Variants in NR3C1 observed in about 807,000 individuals in gnomAD.
NR3C1 encodes the protein glucocorticoid receptor.
Under a neutral mutation model 74.0 loss-of-function variants are expected in NR3C1, and 14 were observed. The observed-to-expected ratio is 0.19, with a 90% CI of 0.12 to 0.30. NR3C1 has a LOEUF of 0.30. Among genes scored for constraint, NR3C1 ranks in the 10% least tolerant of loss-of-function variants. NR3C1 has a pLI of 1.00. For missense variants in NR3C1, 695 were observed against 909.8 expected (o/e 0.76, Z 3.04); for synonymous variants, 308 against 332.5 (o/e 0.93, Z 0.80).
chr5:143,329,833 A>G (rs1045785319), intron 2 of NR3C1, among the ~76,000 whole-genome samples: 2 of 152,170 alleles, frequency 1.3e-5, no homozygotes, highest in African/African-American at 4.8e-5. Flanking sequence ...TAAATATGTG[A>G]ATTGTTCTAA....
intron 2 of NR3C1, among the ~76,000 whole-genome samples, chr5:143,375,081 TCCAAAATCCTTC>T (rs781002689): frequency 6.6e-6 from 1 of 152,156 alleles, no homozygotes; most frequent in Non-Finnish European, 1.5e-5. Flanking sequence ...ACACAGCTTC[TCCAAAATCCTTC>T]CTGGGACCTC....
At position 143,412,368 on chromosome 5, in the gene NR3C1, T is replaced by A. The variant is rs141123054; in HGVS notation, c.-13-11516A>T. 2.3e-4 allele frequency among the ~76,000 whole-genome samples: 35 copies of A among 152,228 alleles called. 1 individual carries two copies. The East Asian group carries it at 5.6e-3, about 24-fold the overall frequency. Reference sequence around the variant, plus strand: ...GTAATTTCATTGATTTTTGCCCACATGGAGGGGTTATTTGTTCATCTCCAT... The same window carrying A: ...GTAATTTCATTGATTTTTGCCCACAAGGAGGGGTTATTTGTTCATCTCCAT... On this transcript the variant is annotated intron_variant, in intron 1 of 8. Coordinates refer to the NR3C1 transcript ENST00000343796.
At chr5:143,305,598 A>G (rs570216446) in intron 4 of NR3C1, among the ~76,000 whole-genome samples, 107 of 152,314 alleles carry the variant, frequency 7.0e-4, no homozygotes, top group Non-Finnish European at 1.1e-3. Flanking sequence ...TTGCAGCAAC[A>G]TGGATGTAGC....
At chr5:143,427,348 G>T (rs574505235) in intron 1 of NR3C1, among the ~76,000 whole-genome samples, 4 of 152,174 alleles carry the variant, frequency 2.6e-5, no homozygotes, top group East Asian at 3.9e-4. Context: ...ATTGGGGACT[G>T]CCCTGATAGT....
intron 2 of NR3C1, 136 bp downstream of exon 2, chr5:143,399,520 C>T (rs911155537): frequency 1.8e-5 from 13 of 735,212 alleles, no homozygotes; most frequent in Non-Finnish European, 2.9e-5. Context: ...TTCCTACTTT[C>T]AAAAGGCCAC....
intron 2 of NR3C1, chr5:143,332,475 T>G (rs1600047343): frequency 1.5e-5 from 8 of 536,412 alleles, no homozygotes; most frequent in South Asian, 1.4e-4. Context: ...CCTGATGAGT[T>G]GATAGGTACA....
chr5:143,368,789 C>G (rs1018086790), intron 2 of NR3C1, among the ~76,000 whole-genome samples: 3 of 152,000 alleles, frequency 2.0e-5, no homozygotes, highest in African/African-American at 7.3e-5. Context: ...ATACGTGAGA[C>G]TGTGTAATTT....
intron 1 of NR3C1, among the ~76,000 whole-genome samples, chr5:143,431,883 A>C (rs893495784): frequency 2.6e-5 from 4 of 152,202 alleles, no homozygotes; most frequent in Non-Finnish European, 5.9e-5. Flanking sequence ...CCCCTGGATG[A>C]GTGGACTATA....
chr5:143,387,392 G>C (rs1229092703), intron 2 of NR3C1, among the ~76,000 whole-genome samples: 1 of 152,118 alleles, frequency 6.6e-6, no homozygotes, highest in East Asian at 1.9e-4. Flanking sequence ...TTAAAGACTG[G>C]TTTCAAGAAC....
At position 143,281,547 on chromosome 5, in the gene NR3C1, AG is replaced by A; in HGVS notation, c.*341del. ...GCCAACTGTGAAAAAAAGTATGAAG[AG>A]AAAGTTCATCACACAGACTTTGGGC... On this transcript the variant is annotated 3_prime_UTR_variant, in exon 9 of 9. Coordinates refer to ENST00000394464, the MANE Select transcript of NR3C1 (RefSeq NM_000176.3). The A allele has an allele frequency of 3.8e-6, 1 of 259,746 alleles. No homozygotes were observed. Among genetic ancestry groups the A allele is most frequent in the East Asian group, 1.0e-4 (1 of 9,958 alleles). The allele number at this position is 259,746 out of a possible 1,614,324, so 16.1% of individuals were successfully genotyped here. A position where few individuals can be genotyped will look rare whatever the true frequency, so the allele number is the denominator to read the frequency against.
At chr5:143,406,707 T>G (rs1841126415), upstream of NR3C1, among the ~76,000 whole-genome samples, 1 of 152,228 alleles carries the variant, frequency 6.6e-6, no homozygotes, top group Non-Finnish European at 1.5e-5. Context: ...AGGTTGATGC[T>G]TGTCTAAGTT....
intron 2 of NR3C1, among the ~76,000 whole-genome samples, chr5:143,322,330 A>G (rs1040484364): frequency 1.3e-5 from 2 of 152,228 alleles, no homozygotes; most frequent in African/African-American, 4.8e-5. Context: ...CCACTATGAT[A>G]AAGTGTCAGA....
chr5:143,305,778 G>A (rs1308851548), intron 4 of NR3C1, among the ~76,000 whole-genome samples: 1 of 152,104 alleles, frequency 6.6e-6, no homozygotes, highest in East Asian at 1.9e-4. Flanking sequence ...GCACCTGTTA[G>A]GTACTGTGCT....
chr5:143,380,287 G>A (rs1203847208), intron 2 of NR3C1, among the ~76,000 whole-genome samples: 1 of 152,158 alleles, frequency 6.6e-6, no homozygotes, highest in Non-Finnish European at 1.5e-5. Context: ...AGGTGCTTTG[G>A]TGTAATAAAT....
chr5:143,321,787 A>T (rs1452827453), intron 2 of NR3C1, among the ~76,000 whole-genome samples: 1 of 152,206 alleles, frequency 6.6e-6, no homozygotes, highest in East Asian at 1.9e-4. Flanking sequence ...TGAAGTGTCC[A>T]CCATGGTATT....
In NR3C1 at chr5:143,343,365, A is replaced by G. The variant is rs78246195; in HGVS notation, c.1185-29197T>C. On this transcript the variant is annotated intron_variant, in intron 2 of 8. Coordinates refer to ENST00000394464, the MANE Select transcript of NR3C1 (RefSeq NM_000176.3). ...CAGGAGGCAGGTTGCTTGACCTGATAGTCTCCTCGGGACTTTCTAAAATCA... is the reference window on the plus strand; with the variant it reads ...CAGGAGGCAGGTTGCTTGACCTGATGGTCTCCTCGGGACTTTCTAAAATCA... Among the ~76,000 whole-genome samples the G allele has an allele frequency of 3.3e-3, 508 of 152,312 alleles. 2 individuals are homozygous for G. Among genetic ancestry groups the G allele is most frequent in the Non-Finnish European group, 6.5e-3 (442 of 68,026 alleles).
chr5:143,367,302 CA>C (rs933326313), intron 2 of NR3C1, among the ~76,000 whole-genome samples: 8 of 152,158 alleles, frequency 5.3e-5, no homozygotes, highest in African/African-American at 1.9e-4. Context: ...GAAAACCCCA[CA>C]ACAACACACT....
chr5:143,351,891 G>A (rs1349216503), intron 2 of NR3C1, among the ~76,000 whole-genome samples: 1 of 152,044 alleles, frequency 6.6e-6, no homozygotes, highest in Non-Finnish European at 1.5e-5. Flanking sequence ...AAGCTAGTTG[G>A]GAAATAATTA....
intron 1 of NR3C1, among the ~76,000 whole-genome samples, chr5:143,412,749 G>A (rs998228579): frequency 2.6e-5 from 4 of 152,102 alleles, no homozygotes; most frequent in Non-Finnish European, 5.9e-5. Flanking sequence ...TTAAAAAATA[G>A]TAAATGTTTT....
Sources: allele counts gnomAD v4.1 joint callset (sites outside exome capture counted in the v4.1 genomes callset), GRCh38; gene constraint gnomAD v4.1.1; transcripts MANE v1.5; gene names NCBI Gene and HGNC (gene_info 2026-07-23, HGNC 2026-07-21).